CARF: variants seen among roughly 807,000 people sequenced by gnomAD.
CARF encodes calcium responsive transcription factor, also known as calcium-responsive transcription factor.
A neutral mutation model predicts 82.0 loss-of-function variants in CARF; 57 were observed. The observed-to-expected ratio is 0.70, with a 90% CI of 0.56 to 0.87. The LOEUF (loss-of-function observed/expected upper bound fraction) is 0.87. Ranked by LOEUF, CARF falls within the 40% of genes least tolerant of loss-of-function variation. The pLI, the probability that CARF is intolerant of heterozygous loss-of-function variation, is 0.00. For missense variants in CARF, 771 were observed against 855.8 expected, an observed-to-expected ratio of 0.90 and a Z score of 1.24; for synonymous variants, 268 against 290.1, an observed-to-expected ratio of 0.92 and a Z score of 0.77.
chr2:202,970,532 T>A (rs941849731), intron 11 of CARF, among the ~76,000 whole-genome samples: 6 of 152,204 alleles, frequency 3.9e-5, no homozygotes, highest in Non-Finnish European at 8.8e-5. Context: ...GTTTTAAATG[T>A]GAAATATTAG....
intron 3 of CARF, among the ~76,000 whole-genome samples, chr2:202,930,151 G>A (rs1412729079): frequency 1.3e-5 from 2 of 152,056 alleles, no homozygotes; most frequent in African/African-American, 4.8e-5. Context: ...GGGCTCAAGC[G>A]ATTCTCATGC....
intron 3 of CARF, among the ~76,000 whole-genome samples, chr2:202,926,306 G>A (rs928746962): frequency 3.3e-5 from 5 of 152,096 alleles, no homozygotes; most frequent in African/African-American, 1.2e-4. Context: ...ATACCTTTGG[G>A]AGCCTTCTGG....
chr2:202,942,594 T>A, intron 4 of CARF, 146 bp from the exon 5 acceptor site: 1 of 1,004,690 alleles, frequency 1.0e-6, no homozygotes, highest in Non-Finnish European at 1.4e-6. Context: ...TAAGAAATAC[T>A]TTCTGTGTAT....
chr2:202,923,115 C>T (rs961257651), intron 2 of CARF, among the ~76,000 whole-genome samples: 7 of 152,012 alleles, frequency 4.6e-5, no homozygotes, highest in Non-Finnish European at 5.9e-5. Context: ...GTGGTGCATG[C>T]CTGTAATCCC....
intron 8 of CARF, among the ~76,000 whole-genome samples, 188 bp from the exon 9 acceptor site, chr2:202,961,049 T>A (rs982581160): frequency 6.6e-5 from 10 of 152,216 alleles, no homozygotes; most frequent in Admixed American, 2.0e-4. Flanking sequence ...TGGCATTATA[T>A]TCCCTAACAA....
chr2:202,944,146 A>T (rs767390624), intron 5 of CARF, among the ~76,000 whole-genome samples: 13 of 152,204 alleles, frequency 8.5e-5, no homozygotes, highest in Non-Finnish European at 1.6e-4. Context: ...AAAGATGAGG[A>T]TGGCTAAATA....
chr2:202,948,358 T>A lies in CARF; in HGVS notation c.307-4201T>A, dbSNP rs139178748. Among the ~76,000 whole-genome samples, 338 of 152,250 alleles carry A rather than the reference T, an allele frequency of 2.2e-3. 2 individuals are homozygous for A. The highest frequency in any genetic ancestry group is 3.4e-3 in the Non-Finnish European group (232 of 68,006). ...TGGCCTTTTTTTGGTTCTATATGAGTTTTAAAATAGTTTTTTTCTGGTTCT... is the reference window on the plus strand; with the variant it reads ...TGGCCTTTTTTTGGTTCTATATGAGATTTAAAATAGTTTTTTTCTGGTTCT... On this transcript the variant is annotated intron_variant, in intron 5 of 16. Transcript: ENST00000438828.
At chr2:202,955,950 T>G (rs1248377337) in intron 8 of CARF, among the ~76,000 whole-genome samples, 192 bp downstream of exon 8, 2 of 152,218 alleles carry the variant, frequency 1.3e-5, no homozygotes, top group Non-Finnish European at 2.9e-5. Context: ...AGGTTATATA[T>G]ATCTCTTTAC....
At chr2:202,916,177 T>A (rs888673431) in intron 1 of CARF, among the ~76,000 whole-genome samples, 28 of 151,668 alleles carry the variant, frequency 1.8e-4, no homozygotes, top group African/African-American at 6.8e-4. Context: ...TTTATTTATT[T>A]ATTTATTTAT....
chr2:202,949,524 TATTATTATTA>T (rs2058663810), intron 5 of CARF, among the ~76,000 whole-genome samples: 1 of 111,208 alleles, frequency 9.0e-6, no homozygotes, highest in African/African-American at 3.7e-5. Context: ...TATTTATTAT[TATTATTATTA>T]TTATTATTAT....
At chr2:202,957,903 G>T (rs977471893) in intron 8 of CARF, among the ~76,000 whole-genome samples, 1 of 151,420 alleles carries the variant, frequency 6.6e-6, no homozygotes, top group African/African-American at 2.4e-5. Context: ...CCAACATCAC[G>T]CCACTGCATT....
chr2:202,971,482 T>C (rs2059789472), intron 11 of CARF, 23 bp from the exon 12 acceptor site: 1 of 1,388,830 alleles, frequency 7.2e-7, no homozygotes. Flanking sequence ...ATTTTAGTAA[T>C]TTTAAATATT....
chr2:202,980,661 T>TATATATATATATAC (rs1309966072), intron 14 of CARF, among the ~76,000 whole-genome samples: 4 of 125,424 alleles, frequency 3.2e-5, no homozygotes, highest in African/African-American at 1.2e-4. Context: ...TATATATATA[T>TATATATATATATAC]AGTTGTGCCT....
intron 12 of CARF, among the ~76,000 whole-genome samples, 177 bp from the exon 13 acceptor site, chr2:202,974,157 G>A (rs532205248): frequency 6.6e-6 from 1 of 152,136 alleles, no homozygotes; most frequent in Non-Finnish European, 1.5e-5. Context: ...CATTTCTATA[G>A]TCTGCAATAA....
At chr2:202,974,606 C>A in intron 13 of CARF, 110 bp downstream of exon 13, 2 of 1,044,412 alleles carry the variant, frequency 1.9e-6, no homozygotes, top group Non-Finnish European at 2.7e-6. Flanking sequence ...GCAATATAAG[C>A]AAATACAATA....
intron 5 of CARF, among the ~76,000 whole-genome samples, chr2:202,944,805 C>CG (rs2058412478): frequency 3.4e-5 from 1 of 29,240 alleles, no homozygotes; most frequent in Non-Finnish European, 1.5e-4. Flanking sequence ...TTTTTTTTTC[C>CG]AAAGGAAGAT....
At position 202,912,587 on chromosome 2, in the gene CARF, C is replaced by G. The variant is rs902013216; in HGVS notation, c.-845C>G. ...CCGGTCACTGGCGGCGCCTTCCGCGCCAAGCTTGGGGGCCTTTTCGGGGTC... is the reference window on the plus strand; with the variant it reads ...CCGGTCACTGGCGGCGCCTTCCGCGGCAAGCTTGGGGGCCTTTTCGGGGTC... On this transcript the variant is annotated 5_prime_UTR_variant, in exon 1 of 17. Transcript: ENST00000438828. The G allele has an allele frequency of 6.6e-6, 1 of 151,964 alleles. No individual in the cohort carries two copies. The highest frequency in any genetic ancestry group is 2.4e-5 in the African/African-American group (1 of 41,398). The allele number at this position is 151,964 out of a possible 1,614,324, so 9.4% of individuals were successfully genotyped here. A position where few individuals can be genotyped will look rare whatever the true frequency, so the allele number is the denominator to read the frequency against.
At chr2:202,942,074 G>C in intron 4 of CARF, 94 bp downstream of exon 4, 1 of 1,011,632 alleles carries the variant, frequency 9.9e-7, no homozygotes, top group Non-Finnish European at 1.5e-6. Flanking sequence ...GTTATATTTA[G>C]TGTATTCAAG....
chr2:202,983,143 T>G (rs1459800041), intron 16 of CARF, among the ~76,000 whole-genome samples: 1 of 151,878 alleles, frequency 6.6e-6, no homozygotes. Context: ...AGCCTCCCAC[T>G]CCTCACGCAG....
Sources: allele counts gnomAD v4.1 joint callset (sites outside exome capture counted in the v4.1 genomes callset), GRCh38; gene constraint gnomAD v4.1.1; transcripts MANE v1.5; gene names NCBI Gene and HGNC (gene_info 2026-07-23, HGNC 2026-07-21).